The following PRKN variants were observed in gnomAD, a reference collection of about 807,000 sequenced individuals.
The protein encoded by PRKN is E3 ubiquitin-protein ligase parkin.
Under a neutral mutation model 59.5 loss-of-function variants are expected in PRKN, and 56 were observed. The ratio of observed to expected loss-of-function variants is 0.94; its 90% CI spans 0.76 to 1.18. The LOEUF (loss-of-function observed/expected upper bound fraction) is 1.18, where lower values mean the gene tolerates loss of function less well. Ranked by LOEUF, PRKN falls within the 50% of genes most tolerant of loss-of-function variation. PRKN has a pLI of 0.00. For synonymous variants in PRKN, 250 were observed against 222.1 expected, an observed-to-expected ratio of 1.13 and a Z score of -1.12; for missense variants, 657 against 596.4, an observed-to-expected ratio of 1.10 and a Z score of -1.06.
rs1170087004 is a variant in PRKN at position 162,620,372 on chromosome 6, A to G, written c.7+107290T>C. The stretch of plus-strand genomic sequence containing the variant: ...ATTACATTATTTTTTTTCTAACATC[A>G]AGAGAATAATTTAGTCTCCAATGCT... On this transcript the variant is annotated intron_variant, in intron 1 of 11. Coordinates refer to ENST00000366898, the MANE Select transcript of PRKN (RefSeq NM_004562.3). Among the ~76,000 whole-genome samples, 2 of 152,050 alleles carry G rather than the reference A, an allele frequency of 1.3e-5. 1 individual carries two copies. Among genetic ancestry groups the G allele is most frequent in the Admixed American group, 1.3e-4 (2 of 15,258 alleles).
At chr6:162,401,151 G>C (rs1223271021) in intron 2 of PRKN, among the ~76,000 whole-genome samples, 1 of 151,792 alleles carries the variant, frequency 6.6e-6, no homozygotes, top group African/African-American at 2.4e-5. Flanking sequence ...GGCAAATGGA[G>C]ACAGAACTAC....
chr6:161,960,150 A>G (rs1029197314), intron 6 of PRKN, among the ~76,000 whole-genome samples: 2 of 152,192 alleles, frequency 1.3e-5, no homozygotes, highest in African/African-American at 4.8e-5. Context: ...GTGCCACCAC[A>G]CTGGAAAAAA....
At chr6:162,656,149 G>A (rs1778631873) in intron 1 of PRKN, among the ~76,000 whole-genome samples, 2 of 152,122 alleles carry the variant, frequency 1.3e-5, no homozygotes, top group Non-Finnish European at 1.5e-5. Flanking sequence ...GGTGGCATTC[G>A]CTAACAAGAG....
intron 1 of PRKN, among the ~76,000 whole-genome samples, chr6:162,524,681 GTGACTTAAAGGGCTAGCT>G (rs1778211379): frequency 6.6e-6 from 1 of 152,190 alleles, no homozygotes; most frequent in Non-Finnish European, 1.5e-5. Context: ...TGGAACTGCA[GTGACTTAAAGGGCTAGCT>G]TAGGAAGACT....
intron 4 of PRKN, among the ~76,000 whole-genome samples, chr6:162,090,022 T>C (rs1024333667): frequency 2.0e-5 from 3 of 152,206 alleles, no homozygotes; most frequent in Admixed American, 6.5e-5. Context: ...CACGTAAAGA[T>C]GGTCAATTTA....
At chr6:162,649,525 G>A (rs185311580) in intron 1 of PRKN, among the ~76,000 whole-genome samples, 60 of 152,178 alleles carry the variant, frequency 3.9e-4, no homozygotes, top group Admixed American at 2.5e-3. Flanking sequence ...GAAAGTCAAA[G>A]GTGTATGTCA....
intron 3 of PRKN, among the ~76,000 whole-genome samples, chr6:162,235,523 C>A (rs1433737611): frequency 6.6e-6 from 1 of 152,158 alleles, no homozygotes; most frequent in African/African-American, 2.4e-5. Context: ...AAATACTCCT[C>A]ATGGCCGGGC....
At position 161,781,391 on chromosome 6, in the gene PRKN, C is replaced by T. The variant is rs370273371; in HGVS notation, c.871+4381G>A. Among the ~76,000 whole-genome samples, 187 of 152,228 alleles carry T rather than the reference C, an allele frequency of 1.2e-3. 6 individuals carry two copies. The South Asian group carries it at 0.038, about 31-fold the overall frequency. ...ACGCAACATCTTTCCATCCATTCAT[C>T]CCTGCCTCACTCCCTATTAAAACCA... On this transcript the variant is annotated intron_variant, in intron 7 of 11. Coordinates refer to ENST00000366898, the MANE Select transcript of PRKN (RefSeq NM_004562.3).
intron 2 of PRKN, among the ~76,000 whole-genome samples, chr6:162,361,298 C>A (rs1345180233): frequency 6.6e-6 from 1 of 152,098 alleles, no homozygotes; most frequent in Non-Finnish European, 1.5e-5. Flanking sequence ...GAACCCCTAA[C>A]CCCCAATGTG....
At chr6:161,682,488 G>C (rs1189413701) in intron 7 of PRKN, among the ~76,000 whole-genome samples, 4 of 152,168 alleles carry the variant, frequency 2.6e-5, no homozygotes, top group African/African-American at 9.6e-5. Flanking sequence ...TGAGGAACAA[G>C]ACTACCCTGG....
At chr6:162,137,384 G>C (rs1781596139) in intron 4 of PRKN, among the ~76,000 whole-genome samples, 2 of 152,148 alleles carry the variant, frequency 1.3e-5, no homozygotes, top group African/African-American at 4.8e-5. Context: ...GAGATTACAG[G>C]AAGCAGGTGA....
intron 3 of PRKN, among the ~76,000 whole-genome samples, chr6:162,221,290 G>A (rs1239470070): frequency 6.6e-6 from 1 of 152,134 alleles, no homozygotes; most frequent in African/African-American, 2.4e-5. Context: ...TGAATTTGCA[G>A]CAAAATGAAA....
intron 1 of PRKN, among the ~76,000 whole-genome samples, chr6:162,720,058 A>C (rs995363802): frequency 1.3e-5 from 2 of 152,184 alleles, no homozygotes; most frequent in African/African-American, 4.8e-5. Flanking sequence ...GGGTACAATA[A>C]GCTTTAAAAA....
At chr6:162,455,800 T>C (rs1424744849) in intron 1 of PRKN, among the ~76,000 whole-genome samples, 5 of 152,276 alleles carry the variant, frequency 3.3e-5, no homozygotes, top group Non-Finnish European at 5.9e-5. Context: ...AAATATTGTA[T>C]TGACAAAAGT....
At chr6:161,782,756 T>C (rs1790260127) in intron 7 of PRKN, among the ~76,000 whole-genome samples, 2 of 151,950 alleles carry the variant, frequency 1.3e-5, no homozygotes, top group Admixed American at 1.3e-4. Flanking sequence ...TAGCAGGGCA[T>C]GGTGGCATGC....
In PRKN at chr6:161,477,256, G is replaced by A. The variant is rs577295869; in HGVS notation, c.1083+71598C>T. ...GACTTGGCCAGGCGCGGTGGCTCAC[G>A]CCTGTAATCCCAGCACTTTGGGAGG... On this transcript the variant is annotated intron_variant, in intron 9 of 11. Coordinates refer to ENST00000366898, the MANE Select transcript of PRKN (RefSeq NM_004562.3). Among the ~76,000 whole-genome samples the A allele has an allele frequency of 2.6e-5, 4 of 152,198 alleles. No homozygotes were observed. The South Asian group carries it at 8.3e-4, about 31-fold the overall frequency.
At chr6:162,133,846 T>C (rs1781467474) in intron 4 of PRKN, among the ~76,000 whole-genome samples, 1 of 151,160 alleles carries the variant, frequency 6.6e-6, no homozygotes, top group African/African-American at 2.4e-5. Flanking sequence ...TTGGAGTCGT[T>C]TTGAAGAGTG....
intron 1 of PRKN, among the ~76,000 whole-genome samples, chr6:162,595,724 A>C (rs1187091201): frequency 7.9e-5 from 12 of 152,216 alleles, no homozygotes; most frequent in Non-Finnish European, 1.6e-4. Flanking sequence ...AAAGATAAAA[A>C]GTAAAGGAGT....
At chr6:162,047,690 T>A (rs1777440544) in intron 5 of PRKN, among the ~76,000 whole-genome samples, 1 of 152,192 alleles carries the variant, frequency 6.6e-6, no homozygotes, top group Non-Finnish European at 1.5e-5. Context: ...AGTAATTTGA[T>A]CAAACTAAAA....
Sources: allele counts gnomAD v4.1 joint callset (sites outside exome capture counted in the v4.1 genomes callset), GRCh38; gene constraint gnomAD v4.1.1; transcripts MANE v1.5; gene names NCBI Gene and HGNC (gene_info 2026-07-23, HGNC 2026-07-21).